The following MAEA variants were observed in gnomAD, a reference collection of about 807,000 sequenced individuals.
The protein encoded by MAEA is E3 ubiquitin-protein transferase MAEA.
In MAEA, 22 loss-of-function variants were observed where a neutral mutation model predicts 46.2. The ratio of observed to expected loss-of-function variants is 0.48; its 90% CI spans 0.34 to 0.68. The LOEUF (loss-of-function observed/expected upper bound fraction) is 0.68. Ranked by LOEUF, MAEA falls within the 30% of genes least tolerant of loss-of-function variation. MAEA has a pLI of 0.01. For missense variants in MAEA, 393 were observed against 558.1 expected, an observed-to-expected ratio of 0.70 and a Z score of 2.98; for synonymous variants, 246 against 222.6, an observed-to-expected ratio of 1.11 and a Z score of -0.94.
At chr4:1,338,158 C>T (rs774858184) in intron 7 of MAEA, 5 of 430,796 alleles carry the variant, frequency 1.2e-5, no homozygotes, top group Non-Finnish European at 2.1e-5. Flanking sequence ...GGGCGGCGGG[C>T]GACGGAGCCA....
intron 4 of MAEA, among the ~76,000 whole-genome samples, chr4:1,325,715 T>A (rs1421571726): frequency 2.6e-5 from 4 of 151,780 alleles, no homozygotes; most frequent in Admixed American, 2.6e-4. Context: ...CCGCTGGCCC[T>A]TCCCTTCCTC....
Position 1,310,027 on chromosome 4 carries a change from C to T in MAEA, c.70-1952C>T, listed in dbSNP as rs62295166. 6,001 of 1,173,810 alleles carry T rather than the reference C, an allele frequency of 5.1e-3. 15 individuals carry two copies. Among genetic ancestry groups the T allele is most frequent in the Middle Eastern group, 0.011 (32 of 2,914 alleles). The allele number at this position is 1,173,810 out of a possible 1,614,324, so 72.7% of individuals were successfully genotyped here. A position where few individuals can be genotyped will look rare whatever the true frequency, so the allele number is the denominator to read the frequency against. ...CGGATGCTGTGTGGGTTCCTCCGCGCGAGCGAGGGTGGTTGTGCCGCTTTG... is the reference window on the plus strand; with the variant it reads ...CGGATGCTGTGTGGGTTCCTCCGCGTGAGCGAGGGTGGTTGTGCCGCTTTG... On this transcript the variant is annotated intron_variant, in intron 1 of 8. Coordinates refer to ENST00000303400, the MANE Select transcript of MAEA (RefSeq NM_001017405.3).
chr4:1,300,351 A>G (rs1350224236), intron 1 of MAEA, among the ~76,000 whole-genome samples: 1 of 152,256 alleles, frequency 6.6e-6, no homozygotes, highest in Non-Finnish European at 1.5e-5. Flanking sequence ...GACACCAAGA[A>G]GGGCTGGGCC....
At chr4:1,306,063 C>T (rs550209522) in intron 1 of MAEA, among the ~76,000 whole-genome samples, 1 of 152,324 alleles carries the variant, frequency 6.6e-6, no homozygotes, top group East Asian at 1.9e-4. Context: ...GCAGATTGGG[C>T]AGGGCCCCTC....
At chr4:1,296,657 C>T (rs559968060) in intron 1 of MAEA, among the ~76,000 whole-genome samples, 1 of 151,652 alleles carries the variant, frequency 6.6e-6, no homozygotes, top group East Asian at 2.0e-4. Flanking sequence ...CCGTCCTCCT[C>T]CAGCTACTAC....
intron 2 of MAEA, among the ~76,000 whole-genome samples, chr4:1,315,083 A>AGTTTAACCAGAAAGG (rs1304097321): frequency 6.6e-6 from 1 of 152,252 alleles, no homozygotes; most frequent in Non-Finnish European, 1.5e-5. Context: ...AATGATAAAC[A>AGTTTAACCAGAAAGG]GTTTAACCAG....
intron 1 of MAEA, chr4:1,298,130 G>A (rs1028027815): frequency 2.2e-6 from 1 of 453,646 alleles, no homozygotes; most frequent in East Asian, 7.0e-5. Flanking sequence ...TGTTCCATAT[G>A]CCCCTCCTTC....
At chr4:1,313,732 G>A (rs559708494) in intron 2 of MAEA, among the ~76,000 whole-genome samples, 140 of 151,912 alleles carry the variant, frequency 9.2e-4, no homozygotes, top group Non-Finnish European at 1.5e-3. Flanking sequence ...TCAAAAAAAA[G>A]TTTGAAAGTC....
At chr4:1,309,858 C>T in intron 1 of MAEA, 1 of 1,308,462 alleles carries the variant, frequency 7.6e-7, no homozygotes. Flanking sequence ...GCCTGAGCAG[C>T]GTCAGCACCG....
At chr4:1,328,157 T>G (rs1353580928) in intron 5 of MAEA, among the ~76,000 whole-genome samples, 2 of 152,204 alleles carry the variant, frequency 1.3e-5, no homozygotes, top group East Asian at 3.8e-4. Context: ...CAGCGTGTGA[T>G]GAGGGCACTT....
chr4:1,317,210 C>T (rs1165376073), intron 3 of MAEA, among the ~76,000 whole-genome samples: 1 of 91,196 alleles, frequency 1.1e-5, no homozygotes, highest in South Asian at 3.7e-4. Context: ...TCCAGACTCA[C>T]CCGCAGGCTC....
At chr4:1,307,201 A>G (rs1346962150) in intron 1 of MAEA, among the ~76,000 whole-genome samples, 1 of 152,204 alleles carries the variant, frequency 6.6e-6, no homozygotes, top group Non-Finnish European at 1.5e-5. Flanking sequence ...CAACCACTTT[A>G]TCCATTTATA....
intron 8 of MAEA, 158 bp from the exon 9 acceptor site, chr4:1,338,916 G>C (rs1017833095): frequency 1.4e-6 from 1 of 693,980 alleles, no homozygotes; most frequent in South Asian, 1.7e-5. Context: ...GGACAGGCGA[G>C]GTGGCCCCGG....
intron 3 of MAEA, among the ~76,000 whole-genome samples, chr4:1,315,874 C>G (rs1340924469): frequency 1.9e-4 from 1 of 5,398 alleles, no homozygotes. Context: ...CGTGTGTGTG[C>G]CCCCCCCCCC....
intron 3 of MAEA, among the ~76,000 whole-genome samples, chr4:1,319,377 C>G (rs1192157673): frequency 6.6e-6 from 1 of 152,046 alleles, no homozygotes; most frequent in Admixed American, 6.5e-5. Context: ...TCAGCATGAG[C>G]ATTTCGTGTG....
chr4:1,309,628 C>T (rs764261497), intron 1 of MAEA: 4 of 1,528,164 alleles, frequency 2.6e-6, no homozygotes, highest in Non-Finnish European at 3.5e-6. Flanking sequence ...CGTGGGAGGC[C>T]TGAGGAGTAA....
chr4:1,292,022 C>T (rs4974588), intron 1 of MAEA, among the ~76,000 whole-genome samples: 23,437 of 152,130 alleles, frequency 0.15, 3,476 homozygotes, highest in East Asian at 0.42. Flanking sequence ...TGGTATAGAA[C>T]TAAACAGAAC....
chr4:1,306,594 T>TG (rs1389327217), intron 1 of MAEA, among the ~76,000 whole-genome samples: 1 of 152,240 alleles, frequency 6.6e-6, no homozygotes, highest in African/African-American at 2.4e-5. Flanking sequence ...GTATTCCAGA[T>TG]GGAAGCCCTT....
At chr4:1,295,391 G>A (rs1003513490) in intron 1 of MAEA, among the ~76,000 whole-genome samples, 3 of 152,198 alleles carry the variant, frequency 2.0e-5, no homozygotes, top group Admixed American at 6.5e-5. Context: ...TGAGCTGAAT[G>A]TGGCTGAGCA....
Sources: gnomAD v4.1 joint callset for allele counts (sites outside exome capture counted in the v4.1 genomes callset) on GRCh38, gnomAD v4.1.1 for gene constraint, MANE v1.5 for transcripts, NCBI Gene and HGNC (gene_info 2026-07-23, HGNC 2026-07-21) for gene names.